VKORC1L1: variants seen among roughly 807,000 people sequenced by gnomAD.
VKORC1L1 encodes the protein vitamin K epoxide reductase complex subunit 1-like protein 1.
VKORC1L1 carries 2 observed loss-of-function variants against 18.9 expected under a neutral mutation model. The observed-to-expected ratio is 0.11, with a 90% confidence interval of 0.04 to 0.33. The LOEUF is 0.33. VKORC1L1 is among the 10% of genes least tolerant of loss of function. The pLI, the probability that VKORC1L1 is intolerant of heterozygous loss-of-function variation, is 1.00. For missense variants in VKORC1L1, 123 were observed against 224.1 expected (o/e 0.55, Z 2.88); for synonymous variants, 96 against 100.0 (o/e 0.96, Z 0.24).
intron 1 of VKORC1L1, among the ~76,000 whole-genome samples, chr7:65,935,371 G>A (rs1583859102): frequency 1.3e-5 from 2 of 151,780 alleles, no homozygotes; most frequent in South Asian, 2.1e-4. Context: ...GTGCAGTGGC[G>A]TGATCTTGGC....
intron 1 of VKORC1L1, among the ~76,000 whole-genome samples, chr7:65,887,315 G>A (rs1789032667): frequency 6.6e-6 from 1 of 151,972 alleles, no homozygotes; most frequent in Admixed American, 6.6e-5. Flanking sequence ...CTCATACATT[G>A]ATCTATATTA....
At chr7:65,886,521 G>A (rs759557547) in intron 1 of VKORC1L1, among the ~76,000 whole-genome samples, 5 of 151,924 alleles carry the variant, frequency 3.3e-5, no homozygotes, top group Admixed American at 6.6e-5. Flanking sequence ...TTGAGAAGGT[G>A]AGAGTTTTTT....
chr7:65,948,301 A>G (rs1030489307), intron 1 of VKORC1L1, among the ~76,000 whole-genome samples: 3 of 150,820 alleles, frequency 2.0e-5, no homozygotes, highest in Non-Finnish European at 4.4e-5. Flanking sequence ...TCAGTAGTCC[A>G]CTGTTAAGAG....
At chr7:65,952,300 C>T (rs919248927) in intron 2 of VKORC1L1, among the ~76,000 whole-genome samples, 1 of 152,218 alleles carries the variant, frequency 6.6e-6, no homozygotes, top group African/African-American at 2.4e-5. Flanking sequence ...CCACTCAACT[C>T]TTCTAGTATG....
At chr7:65,902,952 C>T (rs528362756) in intron 1 of VKORC1L1, among the ~76,000 whole-genome samples, 11 of 152,088 alleles carry the variant, frequency 7.2e-5, no homozygotes, top group South Asian at 2.1e-4. Flanking sequence ...CCGTGACCTC[C>T]GCCTCCCGGG....
At chr7:65,916,309 T>C (rs1205397225) in intron 1 of VKORC1L1, among the ~76,000 whole-genome samples, 6 of 152,112 alleles carry the variant, frequency 3.9e-5, no homozygotes, top group Admixed American at 3.9e-4. Context: ...AGTCATAGAA[T>C]TTAAATGTGT....
intron 1 of VKORC1L1, among the ~76,000 whole-genome samples, chr7:65,888,982 C>G (rs1419442971): frequency 2.0e-5 from 3 of 152,102 alleles, no homozygotes; most frequent in African/African-American, 4.8e-5. Context: ...CCCCAACCCC[C>G]CAACTACACA....
intron 1 of VKORC1L1, among the ~76,000 whole-genome samples, chr7:65,918,805 A>G (rs181262343): frequency 6.6e-6 from 1 of 152,210 alleles, no homozygotes; most frequent in African/African-American, 2.4e-5. Flanking sequence ...TTAAAAACCA[A>G]CAAAACAGGC....
chr7:65,928,235 A>G (rs1789798164), intron 1 of VKORC1L1, among the ~76,000 whole-genome samples: 1 of 138,386 alleles, frequency 7.2e-6, no homozygotes, highest in African/African-American at 2.7e-5. Flanking sequence ...AACAATCCCT[A>G]CCCCTACCTT....
At chr7:65,894,816 C>T (rs1252115880) in intron 1 of VKORC1L1, among the ~76,000 whole-genome samples, 3 of 152,144 alleles carry the variant, frequency 2.0e-5, no homozygotes, top group African/African-American at 4.8e-5. Flanking sequence ...GAGGGCAAGG[C>T]AGGAGGATCA....
chr7:65,935,510 A>G (rs1789928397), intron 1 of VKORC1L1, among the ~76,000 whole-genome samples: 2 of 152,024 alleles, frequency 1.3e-5, no homozygotes, highest in South Asian at 4.1e-4. Flanking sequence ...GGTTTTCACC[A>G]TGTTGGCCAG....
intron 1 of VKORC1L1, among the ~76,000 whole-genome samples, chr7:65,940,719 G>C (rs952163957): frequency 6.6e-6 from 1 of 152,092 alleles, no homozygotes; most frequent in Admixed American, 6.6e-5. Context: ...GGGTTCAGAA[G>C]ACCAATAATA....
intron 1 of VKORC1L1, among the ~76,000 whole-genome samples, chr7:65,900,627 ACCCCAT>A (rs1789299389): frequency 6.6e-6 from 1 of 151,820 alleles, no homozygotes; most frequent in Non-Finnish European, 1.5e-5. Context: ...ACGAGGTGAA[ACCCCAT>A]CTCTACTAAA....
chr7:65,926,010 T>C (rs1366924084), intron 1 of VKORC1L1, among the ~76,000 whole-genome samples: 1 of 152,132 alleles, frequency 6.6e-6, no homozygotes, highest in Admixed American at 6.5e-5. Flanking sequence ...TGGGGACCAC[T>C]AATGATATAA....
At chr7:65,893,671 A>T (rs1282241804) in intron 1 of VKORC1L1, among the ~76,000 whole-genome samples, 2 of 152,274 alleles carry the variant, frequency 1.3e-5, no homozygotes, top group African/African-American at 4.8e-5. Context: ...GTAAAAATAA[A>T]TAAATTTCCT....
chr7:65,875,385 A>G (rs546080127), intron 1 of VKORC1L1, among the ~76,000 whole-genome samples: 28 of 152,174 alleles, frequency 1.8e-4, no homozygotes, highest in African/African-American at 6.7e-4. Flanking sequence ...ACAAAACATC[A>G]TTGAAAGTTT....
intron 1 of VKORC1L1, among the ~76,000 whole-genome samples, chr7:65,873,868 C>G (rs1274422195): frequency 6.7e-6 from 1 of 150,262 alleles, no homozygotes; most frequent in Non-Finnish European, 1.5e-5. Context: ...GGCTGGGGCC[C>G]GGCTGTGCAG....
intron 1 of VKORC1L1, among the ~76,000 whole-genome samples, chr7:65,921,082 G>T (rs1311993632): frequency 1.3e-5 from 2 of 151,918 alleles, no homozygotes; most frequent in Admixed American, 1.3e-4. Context: ...TTAACTGGCT[G>T]TTATTTTTGT....
intron 1 of VKORC1L1, among the ~76,000 whole-genome samples, chr7:65,941,540 A>G (rs1471721201): frequency 1.3e-5 from 2 of 152,094 alleles, no homozygotes; most frequent in African/African-American, 4.8e-5. Context: ...TGTTTGGTAT[A>G]TTATGATGTT....
Sources: allele counts gnomAD v4.1 joint callset (sites outside exome capture counted in the v4.1 genomes callset), GRCh38; gene constraint gnomAD v4.1.1; transcripts MANE v1.5; gene names NCBI Gene and HGNC (gene_info 2026-07-23, HGNC 2026-07-21).